Variants in TCF25 observed in about 807,000 individuals in gnomAD.
TCF25 encodes ribosome quality control complex subunit TCF25.
A neutral mutation model predicts 83.1 loss-of-function variants in TCF25; 41 were observed. The ratio of observed to expected loss-of-function variants is 0.49; its 90% confidence interval spans 0.38 to 0.64. The LOEUF (loss-of-function observed/expected upper bound fraction) is 0.64, where lower values mean the gene tolerates loss of function less well. Among genes scored for constraint, TCF25 ranks in the 30% least tolerant of loss-of-function variants. The pLI is 0.00. For synonymous variants in TCF25, 458 were observed against 365.0 expected (o/e 1.25, Z -2.90); for missense variants, 979 against 914.5 (o/e 1.07, Z -0.91).
intron 1 of TCF25, among the ~76,000 whole-genome samples, chr16:89,876,908 A>G (rs867016453): frequency 2.1e-5 from 3 of 145,290 alleles, no homozygotes; most frequent in African/African-American, 5.2e-5. Context: ...CAGCCTGGGC[A>G]ACAGAGCGAG....
rs1436359157 is a variant in TCF25, at chr16:89,895,425, C to T, written c.928+288C>T. 5.3e-5 allele frequency among the ~76,000 whole-genome samples: 8 copies of T among 152,014 alleles called. No individual in the cohort carries two copies. The South Asian group carries it at 1.5e-3, about 28-fold the overall frequency. Reference sequence around the variant, plus strand: ...GTTTCACCGTGTTGGCCAGGATGGTCTCGATCTCCTGACCTTGTGATCCAC... The same window carrying T: ...GTTTCACCGTGTTGGCCAGGATGGTTTCGATCTCCTGACCTTGTGATCCAC... On this transcript the variant is annotated intron_variant, in intron 8 of 17. Transcript: ENST00000263346.
At chr16:89,903,658 T>G (rs1335538150) in intron 12 of TCF25, among the ~76,000 whole-genome samples, 1 of 151,356 alleles carries the variant, frequency 6.6e-6, no homozygotes, top group East Asian at 1.9e-4. Flanking sequence ...ATACAAAAAT[T>G]AACCGGGGCG....
chr16:89,884,424 C>A (rs2042829952), intron 2 of TCF25, among the ~76,000 whole-genome samples, 158 bp from the exon 3 acceptor site: 1 of 152,030 alleles, frequency 6.6e-6, no homozygotes, highest in African/African-American at 2.4e-5. Flanking sequence ...TGGGAAGGTG[C>A]CTGCTGGAGA....
At chr16:89,886,101 A>C in intron 4 of TCF25, 135 bp downstream of exon 4, 2 of 649,926 alleles carry the variant, frequency 3.1e-6, no homozygotes, top group Middle Eastern at 4.7e-4. Context: ...TAAAAAAGGA[A>C]AAATAAAATG....
intron 16 of TCF25, chr16:89,909,581 G>C (rs1227704809): frequency 6.4e-6 from 1 of 155,130 alleles, no homozygotes; most frequent in Non-Finnish European, 1.4e-5. Context: ...AGGAGGCTGA[G>C]GCAGGAGAAT....
In TCF25 at chr16:89,883,380, T is replaced by C. The variant is rs1425645273; in HGVS notation, c.222T>C (p.Pro74=). The C allele has an allele frequency of 1.2e-6, 2 of 1,613,964 alleles. No individual in the cohort carries two copies. Among genetic ancestry groups the C allele is most frequent in the Non-Finnish European group, 1.7e-6 (2 of 1,180,006 alleles). The part of the protein sequence containing the change: ...LINIDDLEDD[P]VVNGERSGCA... ...ACATTGACGATCTTGAGGATGACCC[T>C]GTGGTGAACGGGGAGAGGTCTGGCT... Residue 74 remains proline, a synonymous_variant, in exon 2 of 18, where the codon CCT becomes CCC. Transcript: ENST00000263346.
chr16:89,882,902 A>G lies in TCF25; in HGVS notation c.193-449A>G, dbSNP rs1243733589. On this transcript the variant is annotated intron_variant, in intron 1 of 17. Coordinates refer to ENST00000263346, the MANE Select transcript of TCF25 (RefSeq NM_014972.3). Reference sequence around the variant, plus strand: ...CGCCTGGCCTATCATTTTCATTAGGAAAAGTTTGTAGGTTGATGGGTCCTT... The same window carrying G: ...CGCCTGGCCTATCATTTTCATTAGGGAAAGTTTGTAGGTTGATGGGTCCTT... Among the ~76,000 whole-genome samples the G allele has an allele frequency of 8.5e-5, 13 of 152,244 alleles. No individual in the cohort carries two copies. The East Asian group carries it at 2.5e-3, about 29-fold the overall frequency.
intron 16 of TCF25, chr16:89,910,338 C>T (rs2045453974): frequency 1.1e-5 from 6 of 551,480 alleles, no homozygotes; most frequent in Non-Finnish European, 1.9e-5. Context: ...GCTCCGGACG[C>T]CACGCCTGCC....
intron 16 of TCF25, chr16:89,908,876 G>T: frequency 8.2e-7 from 1 of 1,226,248 alleles, no homozygotes; most frequent in Non-Finnish European, 1.1e-6. Flanking sequence ...CTGAGGTCAG[G>T]GCTTTGGGGC....
intron 15 of TCF25, among the ~76,000 whole-genome samples, chr16:89,906,860 G>C (rs542722257): frequency 5.9e-5 from 9 of 152,128 alleles, no homozygotes; most frequent in Non-Finnish European, 1.2e-4. Flanking sequence ...GTGGCAGCAC[G>C]TGGCACTGTG....
intron 16 of TCF25, among the ~76,000 whole-genome samples, chr16:89,908,150 GC>G: frequency 1.5e-5 from 1 of 67,928 alleles, no homozygotes; most frequent in East Asian, 4.6e-4. Flanking sequence ...GCCACCTCCT[GC>G]CTCCCTCCTC....
At chr16:89,896,468 G>A (rs1221322184) in intron 9 of TCF25, among the ~76,000 whole-genome samples, 1 of 152,098 alleles carries the variant, frequency 6.6e-6, no homozygotes, top group African/African-American at 2.4e-5. Flanking sequence ...AGCACTTTGG[G>A]AGGCCGAGGT....
In TCF25 at chr16:89,883,452, G is replaced by A; in HGVS notation, c.294G>A (p.Gln98=). The change falls in exon 2 of 18, where the codon CAG becomes CAA. Residue 98 remains glutamine, a synonymous_variant. Transcript: ENST00000263346. ...AVAPGNKGRG[Q]RGNTESKTDG... ...CACCAGGGAACAAAGGAAGGGGTCA[G>A]CGTGGAAACACAGAGAGCAAGACGG... 6.2e-7 allele frequency: 1 copy of A among 1,614,046 alleles called. No individual in the cohort carries two copies. Among genetic ancestry groups the A allele is most frequent in the South Asian group, 1.1e-5 (1 of 91,072 alleles).
chr16:89,892,395 G>A, intron 6 of TCF25, 120 bp downstream of exon 6: 9 of 1,140,384 alleles, frequency 7.9e-6, no homozygotes, highest in Non-Finnish European at 1.1e-5. Context: ...GGGCGGCGGG[G>A]GGGTGTGTTC....
intron 1 of TCF25, among the ~76,000 whole-genome samples, chr16:89,880,592 A>G (rs2042535367): frequency 1.4e-5 from 2 of 139,982 alleles, no homozygotes; most frequent in South Asian, 2.1e-4. Flanking sequence ...TCAAAAAAAG[A>G]AAAAAAAAAA....
In TCF25 at chr16:89,873,706, G is replaced by T; in HGVS notation, c.39G>T (p.Gln13His). The T allele has an allele frequency of 6.2e-7, 1 of 1,609,460 alleles. No homozygotes were observed. Among genetic ancestry groups the T allele is most frequent in the South Asian group, 1.1e-5 (1 of 90,716 alleles). ...CCCTCCGGAGGCTGAGGGGGGAACA[G>T]CGCGGCCAGGAGCCCCTCGGGCCCG... ...RRALRRLRGE[Q>H]RGQEPLGPGA... is the part of the protein sequence containing the mutation. The change falls in exon 1 of 18, where the codon CAG becomes CAT. Residue 13 changes from glutamine to histidine, a missense_variant. Coordinates refer to ENST00000263346, the MANE Select transcript of TCF25 (RefSeq NM_014972.3).
At position 89,891,739 on chromosome 16, in the gene TCF25, C is replaced by T. The variant is rs368907213; in HGVS notation, c.615-454C>T. Among the ~76,000 whole-genome samples, 281 of 152,278 alleles carry T rather than the reference C, an allele frequency of 1.8e-3. 14 individuals are homozygous for T. The South Asian group carries it at 0.055, about 30-fold the overall frequency. On this transcript the variant is annotated intron_variant, in intron 5 of 17. Transcript: ENST00000263346. ...ATTAGTACGTTGTTCTCTTTCTTTT[C>T]GTTTTCTTTTTTTATTTTCCTCTTG...
chr16:89,898,318 G>C (rs372422923), intron 9 of TCF25, among the ~76,000 whole-genome samples: 1 of 148,204 alleles, frequency 6.7e-6, no homozygotes, highest in South Asian at 2.2e-4. Context: ...GGTGGAGCGG[G>C]TGCTGACTGG....
rs1273632667 is a variant in TCF25 at position 89,873,729 on chromosome 16, C to T, written c.62C>T (p.Pro21Leu). 2 of 1,611,486 alleles carry T rather than the reference C, an allele frequency of 1.2e-6. No homozygotes were observed. The highest frequency in any genetic ancestry group is 1.1e-5 in the South Asian group (1 of 90,914). ...GEQRGQEPLG[P>L]GALHFDLRDD... ...CAGCGCGGCCAGGAGCCCCTCGGGC[C>T]CGGCGCCTTGCATTTCGATCTCCGT... Residue 21 changes from proline to leucine, a missense_variant, in exon 1 of 18, where the codon CCC (proline) becomes CTC (leucine). Transcript: ENST00000263346.
Sources: allele counts gnomAD v4.1 joint callset (sites outside exome capture counted in the v4.1 genomes callset), GRCh38; gene constraint gnomAD v4.1.1; transcripts MANE v1.5; gene names NCBI Gene and HGNC (gene_info 2026-07-23, HGNC 2026-07-21).